Variants in SPEF2 observed in about 807,000 individuals in gnomAD.
The protein encoded by SPEF2 is sperm flagella and cilia-associated protein 2.
SPEF2 carries 187 observed loss-of-function variants against 224.6 expected under a neutral mutation model. The observed-to-expected ratio is 0.83, with a 90% CI of 0.74 to 0.94. The LOEUF is 0.94. Ranked by LOEUF, SPEF2 falls within the 40% of genes least tolerant of loss-of-function variation. SPEF2 has a pLI of 0.00. For synonymous variants in SPEF2, 715 were observed against 707.3 expected, an observed-to-expected ratio of 1.01 and a Z score of -0.17; for missense variants, 2,170 against 2,135.6, an observed-to-expected ratio of 1.02 and a Z score of -0.32.
At chr5:35,796,783 AAAT>A (rs1756733358) in intron 33 of SPEF2, among the ~76,000 whole-genome samples, 1 of 152,200 alleles carries the variant, frequency 6.6e-6, no homozygotes, top group Non-Finnish European at 1.5e-5. Flanking sequence ...TTGCAGCCTT[AAAT>A]GGAGCAATTT....
At position 35,644,381 on chromosome 5, in the gene SPEF2, A is replaced by G. The variant is rs767429946; in HGVS notation, c.441A>G (p.Gln147=). The change falls in exon 4 of 37, where the codon CAA becomes CAG. Residue 147 remains glutamine (Q), a synonymous_variant. Transcript: ENST00000356031. ...QERLRHMIPR[Q]TDFNLMRITY... ...GACTTAGACACATGATACCACGTCA[A>G]ACTGATTTCAATCTGATGCGGATTA... The G allele has an allele frequency of 6.3e-6, 10 of 1,598,836 alleles. No homozygotes were observed. Among genetic ancestry groups the G allele is most frequent in the Non-Finnish European group, 8.5e-6 (10 of 1,172,834 alleles).
chr5:35,757,073 T>C (rs973867367), intron 24 of SPEF2, among the ~76,000 whole-genome samples: 1 of 151,998 alleles, frequency 6.6e-6, no homozygotes, highest in African/African-American at 2.4e-5. Flanking sequence ...TTGTTTTTAA[T>C]AACTATTAAA....
chr5:35,783,214 C>T (rs1754590501), intron 30 of SPEF2, among the ~76,000 whole-genome samples: 1 of 152,182 alleles, frequency 6.6e-6, no homozygotes, highest in African/African-American at 2.4e-5. Flanking sequence ...CTAACATTTT[C>T]ATATGTGAAT....
chr5:35,633,372 T>C (rs1395278076), intron 2 of SPEF2, among the ~76,000 whole-genome samples: 2 of 152,132 alleles, frequency 1.3e-5, no homozygotes, highest in Non-Finnish European at 2.9e-5. Context: ...TTGACCTTTT[T>C]AACAATATAA....
At chr5:35,675,458 A>G (rs1751831251) in intron 10 of SPEF2, 1 of 152,098 alleles carries the variant, frequency 6.6e-6, no homozygotes, top group African/African-American at 2.4e-5. Flanking sequence ...AACTCCCTAA[A>G]TTCCTTCACT....
intron 32 of SPEF2, among the ~76,000 whole-genome samples, 198 bp from the exon 33 acceptor site, chr5:35,795,505 A>G (rs1046382317): frequency 2.6e-5 from 4 of 152,224 alleles, no homozygotes; most frequent in Non-Finnish European, 5.9e-5. Context: ...AGATGTAAAA[A>G]TAAAAATTAT....
intron 26 of SPEF2, chr5:35,764,803 T>G: frequency 2.3e-6 from 1 of 441,046 alleles, no homozygotes; most frequent in Non-Finnish European, 4.5e-6. Context: ...TTTCCTTTCT[T>G]CCTCCCTCTC....
intron 8 of SPEF2, among the ~76,000 whole-genome samples, chr5:35,661,298 ATT>A (rs1486464852): frequency 3.9e-4 from 43 of 108,866 alleles, no homozygotes; most frequent in African/African-American, 5.4e-4. Context: ...ATATATATAT[ATT>A]ATACACACAT....
chr5:35,806,865 A>C lies in SPEF2; in HGVS notation c.5169A>C (p.Thr1723=), dbSNP rs1266606094. The change falls in exon 35 of 37, where the codon ACA becomes ACC. Residue 1723 remains threonine (T), a synonymous_variant. Transcript: ENST00000356031. ...NANNEKMSME[T]LLKVFKGGSE... is the part of the protein sequence containing the mutation. ...ACAATGAAAAGATGTCCATGGAAACACTACTCAAAGTGTTCAAAGGGGGAA... is the reference window on the plus strand; with the variant it reads ...ACAATGAAAAGATGTCCATGGAAACCCTACTCAAAGTGTTCAAAGGGGGAA... 3.7e-6 allele frequency: 6 copies of C among 1,614,132 alleles called. 1 individual carries two copies. The South Asian group carries it at 6.6e-5, about 18-fold the overall frequency.
Position 35,670,119 on chromosome 5 carries a change from A to T in SPEF2, c.1416A>T (p.Ile472=). 6.2e-7 allele frequency: 1 copy of T among 1,612,180 alleles called. No individual in the cohort carries two copies. The highest frequency in any genetic ancestry group is 8.5e-7 in the Non-Finnish European group (1 of 1,178,898). The change falls in exon 10 of 37, where the codon ATA becomes ATT. Residue 472 remains isoleucine, a synonymous_variant. Coordinates refer to ENST00000356031, the MANE Select transcript of SPEF2 (RefSeq NM_024867.4). ...WKELFFNAKP[I]YEQASVKTLP... is the part of the protein sequence containing the mutation. ...AACTATTTTTTAATGCAAAACCCAT[A>T]TATGAACAAGCCTCTGTTAAGACAC...
At chr5:35,673,410 A>G (rs1248875554) in intron 10 of SPEF2, among the ~76,000 whole-genome samples, 1 of 152,224 alleles carries the variant, frequency 6.6e-6, no homozygotes, top group Non-Finnish European at 1.5e-5. Flanking sequence ...GCTTACTAGC[A>G]ATTACTAGTT....
chr5:35,805,674 T>G (rs574828158), intron 34 of SPEF2, among the ~76,000 whole-genome samples: 3 of 152,306 alleles, frequency 2.0e-5, no homozygotes, highest in Admixed American at 2.0e-4. Flanking sequence ...CTATAAAGAA[T>G]GTAAGAAGCA....
intron 11 of SPEF2, among the ~76,000 whole-genome samples, chr5:35,692,162 G>A (rs770841675): frequency 3.7e-4 from 57 of 152,194 alleles, no homozygotes; most frequent in Middle Eastern, 3.4e-3. Context: ...TGTAATCCCT[G>A]CACTTTGGAA....
chr5:35,799,798 T>G (rs917190951), intron 33 of SPEF2, among the ~76,000 whole-genome samples, 170 bp from the exon 34 acceptor site: 1 of 152,212 alleles, frequency 6.6e-6, no homozygotes, highest in African/African-American at 2.4e-5. Context: ...TTTACTGCTT[T>G]TTTTCTTAAT....
chr5:35,712,964 T>C (rs1200513761), intron 20 of SPEF2, 78 bp downstream of exon 20: 1 of 1,294,142 alleles, frequency 7.7e-7, no homozygotes, highest in Non-Finnish European at 1.1e-6. Context: ...GCTAGATTTG[T>C]ATAGTAGTAT....
intron 36 of SPEF2, chr5:35,807,828 G>T: frequency 6.5e-7 from 1 of 1,527,626 alleles, no homozygotes; most frequent in Middle Eastern, 1.7e-4. Flanking sequence ...GACCACACAT[G>T]CTAAATGTGC....
intron 20 of SPEF2, among the ~76,000 whole-genome samples, chr5:35,722,298 T>C (rs1426113749): frequency 6.6e-6 from 1 of 151,824 alleles, no homozygotes; most frequent in Admixed American, 6.6e-5. Flanking sequence ...AGCCCTGGCA[T>C]GGGGCAGGGA....
chr5:35,799,202 T>C (rs1250526511), intron 33 of SPEF2, among the ~76,000 whole-genome samples: 1 of 152,150 alleles, frequency 6.6e-6, no homozygotes, highest in East Asian at 1.9e-4. Context: ...GTCATAAATA[T>C]ACATTTGAGA....
intron 10 of SPEF2, among the ~76,000 whole-genome samples, chr5:35,683,321 A>G (rs1490603834): frequency 6.6e-6 from 1 of 152,084 alleles, no homozygotes; most frequent in Non-Finnish European, 1.5e-5. Flanking sequence ...GTGTAGGTCA[A>G]TTAATAAAAA....
Sources: gnomAD v4.1 joint callset for allele counts (sites outside exome capture counted in the v4.1 genomes callset) on GRCh38, gnomAD v4.1.1 for gene constraint, MANE v1.5 for transcripts, NCBI Gene and HGNC (gene_info 2026-07-23, HGNC 2026-07-21) for gene names.